NCKAP5: variants seen among roughly 807,000 people sequenced by gnomAD.
NCKAP5 encodes the protein nck-associated protein 5.
NCKAP5 carries 92 observed loss-of-function variants against 167.0 expected under a neutral mutation model. The observed-to-expected ratio is 0.55, with a 90% confidence interval of 0.47 to 0.66. The LOEUF is 0.66. Among genes scored for constraint, NCKAP5 ranks in the 30% least tolerant of loss-of-function variants. NCKAP5 has a pLI of 0.00. For missense variants in NCKAP5, 2,378 were observed against 2,315.0 expected (o/e 1.03, Z -0.56); for synonymous variants, 891 against 877.4 (o/e 1.02, Z -0.27).
chr2:133,656,282 A>C, the NCKAP5 span, among the ~76,000 whole-genome samples: 4 of 152,232 alleles, frequency 2.6e-5, no homozygotes, highest in Non-Finnish European at 5.9e-5. Flanking sequence ...CAAAAAAAAA[A>C]AAAAACCATC....
chr2:133,650,373 T>C, the NCKAP5 span, among the ~76,000 whole-genome samples: 59 of 152,140 alleles, frequency 3.9e-4, 2 homozygotes, highest in East Asian at 7.1e-3. Context: ...ATCAAAATAC[T>C]CATAGAGAAT....
intron 3 of NCKAP5, among the ~76,000 whole-genome samples, chr2:133,462,794 C>A (rs1472574513): frequency 1.3e-5 from 2 of 152,124 alleles, no homozygotes; most frequent in African/African-American, 4.8e-5. Context: ...CTGAGAACCT[C>A]ACAAGCCACA....
At chr2:132,743,051 G>A (rs192176570) in intron 16 of NCKAP5, among the ~76,000 whole-genome samples, 63 of 143,246 alleles carry the variant, frequency 4.4e-4, no homozygotes, top group Admixed American at 1.6e-3. Flanking sequence ...GAATTAAATT[G>A]TTACAGAAAC....
At chr2:133,525,968 C>T (rs374960507) in intron 2 of NCKAP5, among the ~76,000 whole-genome samples, 1 of 152,102 alleles carries the variant, frequency 6.6e-6, no homozygotes. Context: ...CCCTTAACAA[C>T]GTAACTCTGG....
intron 19 of NCKAP5, among the ~76,000 whole-genome samples, chr2:132,705,645 T>C (rs1327361192): frequency 6.6e-6 from 1 of 152,036 alleles, no homozygotes; most frequent in Non-Finnish European, 1.5e-5. Flanking sequence ...TGTGTTCACC[T>C]CCATGTGGGA....
chr2:133,039,101 C>A (rs180791863), intron 6 of NCKAP5, among the ~76,000 whole-genome samples: 1 of 152,132 alleles, frequency 6.6e-6, no homozygotes, highest in African/African-American at 2.4e-5. Flanking sequence ...AAGGTTTGAG[C>A]GGCTCCAGCA....
chr2:133,067,019 C>T (rs2080222184), intron 6 of NCKAP5, among the ~76,000 whole-genome samples: 1 of 47,396 alleles, frequency 2.1e-5, no homozygotes, highest in Non-Finnish European at 3.6e-5. Flanking sequence ...AAACTCAGTG[C>T]CATTTTATTT....
At chr2:133,292,793 C>T (rs916899162) in intron 4 of NCKAP5, among the ~76,000 whole-genome samples, 1 of 152,126 alleles carries the variant, frequency 6.6e-6, no homozygotes, top group African/African-American at 2.4e-5. Context: ...GTAAATCTAT[C>T]TTTTAAGTAC....
Position 133,027,035 on chromosome 2 carries a change from G to C in NCKAP5, c.342-32796C>G, listed in dbSNP as rs552479621. Among the ~76,000 whole-genome samples, 7 of 152,272 alleles carry C rather than the reference G, an allele frequency of 4.6e-5. No individual in the cohort carries two copies. The East Asian group carries it at 1.4e-3, about 29-fold the overall frequency. On this transcript the variant is annotated intron_variant, in intron 6 of 19. Coordinates refer to ENST00000409261, the MANE Select transcript of NCKAP5 (RefSeq NM_207363.3). ...AGTCATGCTGTTGAGAAGGGTGAGAGACTCACTTCCAAGGGAGTAAATGCA... is the reference window on the plus strand; with the variant it reads ...AGTCATGCTGTTGAGAAGGGTGAGACACTCACTTCCAAGGGAGTAAATGCA...
chr2:133,029,382 A>T (rs1226980649), intron 6 of NCKAP5, among the ~76,000 whole-genome samples: 2 of 152,180 alleles, frequency 1.3e-5, no homozygotes, highest in East Asian at 3.9e-4. Flanking sequence ...AGTTAAAGTA[A>T]CTTGCCCCAG....
At chr2:133,073,419 A>G (rs536304570) in intron 6 of NCKAP5, among the ~76,000 whole-genome samples, 1 of 152,306 alleles carries the variant, frequency 6.6e-6, no homozygotes, top group Admixed American at 6.5e-5. Context: ...GAAGCTGCAT[A>G]ACAAGAGCTT....
intron 3 of NCKAP5, among the ~76,000 whole-genome samples, chr2:133,367,593 T>C (rs1685535114): frequency 6.6e-6 from 1 of 152,158 alleles, no homozygotes; most frequent in Non-Finnish European, 1.5e-5. Flanking sequence ...AGGACTGCCA[T>C]CTCTTATTCA....
In NCKAP5 at chr2:132,808,783, C is replaced by T. The variant is rs1234807992; in HGVS notation, c.808-12054G>A. On this transcript the variant is annotated intron_variant, in intron 11 of 19. Transcript: ENST00000409261. ...CAATTTCATTTAGTTCTGCTGTGATCTTGGTTATTTCCTTTCTACTGCTGG... is the reference window on the plus strand; with the variant it reads ...CAATTTCATTTAGTTCTGCTGTGATTTTGGTTATTTCCTTTCTACTGCTGG... 2.0e-5 allele frequency among the ~76,000 whole-genome samples: 3 copies of T among 151,760 alleles called. No individual in the cohort carries two copies. In the East Asian group the frequency reaches 5.8e-4, roughly 29 times the overall value.
chr2:133,312,458 T>C (rs1451505196), intron 3 of NCKAP5, among the ~76,000 whole-genome samples: 1 of 152,194 alleles, frequency 6.6e-6, no homozygotes, highest in Non-Finnish European at 1.5e-5. Flanking sequence ...TTTCCCAGTC[T>C]CCTGTGCTTC....
intron 11 of NCKAP5, among the ~76,000 whole-genome samples, chr2:132,822,458 A>C (rs1235840473): frequency 6.6e-6 from 1 of 152,142 alleles, no homozygotes; most frequent in Non-Finnish European, 1.5e-5. Context: ...AAGAGCAACA[A>C]CAGTCACTGC....
the NCKAP5 span, among the ~76,000 whole-genome samples, chr2:133,589,674 A>T: frequency 1.3e-5 from 2 of 152,234 alleles, no homozygotes; most frequent in African/African-American, 2.4e-5. Context: ...AATCCTCCTC[A>T]TGCCCACCAG....
At chr2:133,547,774 G>A (rs1457133241) in intron 2 of NCKAP5, among the ~76,000 whole-genome samples, 1 of 149,610 alleles carries the variant, frequency 6.7e-6, no homozygotes, top group Non-Finnish European at 1.5e-5. Flanking sequence ...CACAAAGATG[G>A]GGAAAAAGCA....
intron 4 of NCKAP5, among the ~76,000 whole-genome samples, chr2:133,240,118 C>T (rs921051819): frequency 3.9e-5 from 6 of 152,180 alleles, no homozygotes; most frequent in Admixed American, 3.9e-4. Flanking sequence ...TAGAGTTGCG[C>T]ATTCCGGAGT....
the NCKAP5 span, among the ~76,000 whole-genome samples, chr2:133,661,511 G>T: frequency 6.6e-6 from 1 of 152,172 alleles, no homozygotes. Context: ...TTCTGCAACA[G>T]TTGCTGGTGC....
Sources: gnomAD v4.1 joint callset for allele counts (sites outside exome capture counted in the v4.1 genomes callset) on GRCh38, gnomAD v4.1.1 for gene constraint, MANE v1.5 for transcripts, NCBI Gene and HGNC (gene_info 2026-07-23, HGNC 2026-07-21) for gene names.